MAGI3: variants seen among roughly 807,000 people sequenced by gnomAD.
MAGI3 encodes membrane-associated guanylate kinase, WW and PDZ domain-containing protein 3.
Under a neutral mutation model 121.8 loss-of-function variants are expected in MAGI3, and 43 were observed. That is an observed-to-expected ratio of 0.35 (90% CI 0.28 to 0.46). The LOEUF is 0.46. MAGI3 is among the 20% of genes least tolerant of loss of function. MAGI3 has a pLI of 1.00. For synonymous variants in MAGI3, 553 were observed against 639.3 expected, an observed-to-expected ratio of 0.86 and a Z score of 2.04; for missense variants, 1,547 against 1,797.3, an observed-to-expected ratio of 0.86 and a Z score of 2.52.
chr1:113,683,618 A>G lies in MAGI3; in HGVS notation c.4050A>G (p.Arg1350=), dbSNP rs1166166902. The G allele has an allele frequency of 6.2e-7, 1 of 1,613,744 alleles. No homozygotes were observed. The highest frequency in any genetic ancestry group is 1.7e-5 in the Admixed American group (1 of 59,984). ...DAKQNQLEKS[R]TRSPEKKIKR... ...AGCAGAATCAGTTGGAAAAAAGCAG[A>G]ACAAGGTCTCCAGAGAAAAAAATCA... Residue 1350 remains arginine, a synonymous_variant, in exon 21 of 21, where the codon AGA becomes AGG. Transcript: ENST00000307546.
chr1:113,408,053 G>A (rs948754947), intron 1 of MAGI3, among the ~76,000 whole-genome samples: 2 of 152,092 alleles, frequency 1.3e-5, no homozygotes, highest in Non-Finnish European at 2.9e-5. Flanking sequence ...AAGGCATTTG[G>A]ATTTTAATTA....
intron 15 of MAGI3, among the ~76,000 whole-genome samples, chr1:113,656,267 G>C (rs1022519279): frequency 3.3e-5 from 5 of 152,132 alleles, no homozygotes; most frequent in East Asian, 3.8e-4. Flanking sequence ...ACAGAAAAAG[G>C]GTCCTGGGGA....
chr1:113,399,207 T>G (rs996556126), intron 1 of MAGI3, among the ~76,000 whole-genome samples: 2 of 152,026 alleles, frequency 1.3e-5, no homozygotes, highest in African/African-American at 4.8e-5. Context: ...CTTTTTGGAG[T>G]CTAATAACAA....
chr1:113,639,618 A>G (rs959214285), intron 9 of MAGI3, among the ~76,000 whole-genome samples: 2 of 151,802 alleles, frequency 1.3e-5, no homozygotes, highest in Non-Finnish European at 2.9e-5. Flanking sequence ...CCCAGGCTGG[A>G]GTGCAGTGCT....
intron 6 of MAGI3, among the ~76,000 whole-genome samples, chr1:113,597,485 G>GTTT (rs1649092905): frequency 6.6e-6 from 1 of 152,142 alleles, no homozygotes; most frequent in African/African-American, 2.4e-5. Flanking sequence ...CAATAAAGTT[G>GTTT]TTTTTAAAAT....
At chr1:113,464,245 A>G (rs1420308057) in intron 1 of MAGI3, among the ~76,000 whole-genome samples, 3 of 152,056 alleles carry the variant, frequency 2.0e-5, no homozygotes, top group Non-Finnish European at 4.4e-5. Context: ...AGTGAGAACA[A>G]GCAATATTTG....
chr1:113,657,972 T>TTTAA (rs1243076695), intron 15 of MAGI3, among the ~76,000 whole-genome samples: 1 of 152,220 alleles, frequency 6.6e-6, no homozygotes, highest in Non-Finnish European at 1.5e-5. Context: ...TCTATTTAAA[T>TTTAA]GTCCCTTACA....
chr1:113,659,332 G>GCTGGAGGAGGCCACT, intron 16 of MAGI3, 67 bp downstream of exon 16: 1 of 1,497,760 alleles, frequency 6.7e-7, no homozygotes, highest in Non-Finnish European at 9.1e-7. Context: ...GTGAGGCAGT[G>GCTGGAGGAGGCCACT]GCCTCCTCCA....
chr1:113,471,532 T>C (rs1241895890), intron 1 of MAGI3, among the ~76,000 whole-genome samples: 1 of 152,178 alleles, frequency 6.6e-6, no homozygotes, highest in Non-Finnish European at 1.5e-5. Context: ...GAAGACCTGC[T>C]TGAGGCTGTT....
intron 1 of MAGI3, among the ~76,000 whole-genome samples, chr1:113,414,650 T>G (rs1292772158): frequency 1.3e-5 from 2 of 152,154 alleles, no homozygotes; most frequent in Non-Finnish European, 2.9e-5. Context: ...GATTTTCTAG[T>G]TTATTTGCGT....
intron 1 of MAGI3, among the ~76,000 whole-genome samples, chr1:113,394,486 T>C (rs1390310282): frequency 6.6e-6 from 1 of 152,204 alleles, no homozygotes; most frequent in Non-Finnish European, 1.5e-5. Flanking sequence ...GGACCTCTGG[T>C]GAAATTGTTT....
At chr1:113,551,297 T>C (rs539646380) in intron 2 of MAGI3, among the ~76,000 whole-genome samples, 130 of 152,232 alleles carry the variant, frequency 8.5e-4, no homozygotes, top group African/African-American at 3.1e-3. Flanking sequence ...CTTCCCCCAT[T>C]CTAACTGGAT....
intron 6 of MAGI3, among the ~76,000 whole-genome samples, chr1:113,595,715 A>T (rs1453705234): frequency 6.6e-6 from 1 of 152,232 alleles, no homozygotes; most frequent in African/African-American, 2.4e-5. Context: ...TAAAAACTAC[A>T]AAACATAATT....
chr1:113,422,552 C>A lies in MAGI3; in HGVS notation c.316+31203C>A, dbSNP rs2101386072. Among the ~76,000 whole-genome samples the A allele has an allele frequency of 6.6e-6, 1 of 152,360 alleles. No homozygotes were observed. Among genetic ancestry groups the A allele is most frequent in the African/African-American group, 2.4e-5 (1 of 41,598 alleles). ...GGTCTGGCCACTGCGCACAGACAGG[C>A]ATGCCAGCTGCTGCGGGGCAGGGTG... On this transcript the variant is annotated intron_variant, in intron 1 of 20. Transcript: ENST00000307546. This position sits in a 1 kb window ranked among gnomAD's most constrained non-coding sequence, Gnocchi z 4.3.
chr1:113,661,872 G>T (rs1653801372), intron 16 of MAGI3, among the ~76,000 whole-genome samples: 1 of 151,730 alleles, frequency 6.6e-6, no homozygotes, highest in African/African-American at 2.4e-5. Context: ...TATGCTCTAG[G>T]TTTTTTTTAA....
At chr1:113,475,303 C>G (rs918832167) in intron 1 of MAGI3, among the ~76,000 whole-genome samples, 1 of 152,158 alleles carries the variant, frequency 6.6e-6, no homozygotes, top group Non-Finnish European at 1.5e-5. Context: ...AGAGGGCATC[C>G]CTGTCTTGTG....
intron 9 of MAGI3, among the ~76,000 whole-genome samples, chr1:113,638,204 T>C (rs1320536205): frequency 1.3e-5 from 2 of 152,242 alleles, no homozygotes; most frequent in Non-Finnish European, 1.5e-5. Flanking sequence ...AGTAGTTTGA[T>C]CGTCTGAAGC....
rs922199547 is a variant in MAGI3 at position 113,585,604 on chromosome 1, A to T, written c.763+8A>T. ...ATGGCAGTGGAAACGCAGGTTTGTA[A>T]ATAGATGAACAACTTCTAACTGATC... On this transcript the variant is annotated splice_region_variant and intron_variant, in intron 4 of 20. Transcript: ENST00000307546. 6.2e-7 allele frequency: 1 copy of T among 1,605,738 alleles called. No individual in the cohort carries two copies. Among genetic ancestry groups the T allele is most frequent in the Admixed American group, 1.7e-5 (1 of 59,538 alleles).
At chr1:113,581,237 C>A (rs1424387101) in intron 3 of MAGI3, 1 of 152,168 alleles carries the variant, frequency 6.6e-6, no homozygotes, top group East Asian at 1.9e-4. Flanking sequence ...TTATCCACTT[C>A]CATAGCACCC....
Sources: allele counts gnomAD v4.1 joint callset (sites outside exome capture counted in the v4.1 genomes callset), GRCh38; gene constraint gnomAD v4.1.1; non-coding constraint Gnocchi (gnomAD v3.1); transcripts MANE v1.5; gene names NCBI Gene and HGNC (gene_info 2026-07-23, HGNC 2026-07-21).